RAB3IP: variants seen among roughly 807,000 people sequenced by gnomAD.
RAB3IP encodes the protein RAB3A interacting protein, also known as rab-3A-interacting protein.
RAB3IP carries 36 observed loss-of-function variants against 59.1 expected under a neutral mutation model. The ratio of observed to expected loss-of-function variants is 0.61; its 90% CI spans 0.47 to 0.80. RAB3IP has a LOEUF of 0.80. Ranked by LOEUF, RAB3IP falls within the 30% of genes least tolerant of loss-of-function variation. The probability of loss-of-function intolerance (pLI) is 0.00; values close to 1 mark genes in which losing one functional copy is unlikely to be tolerated. For missense variants in RAB3IP, 511 were observed against 536.0 expected (o/e 0.95, Z 0.46); for synonymous variants, 207 against 191.2 (o/e 1.08, Z -0.68).
chr12:69,755,203 C>T (rs1023236010), intron 1 of RAB3IP, among the ~76,000 whole-genome samples, 181 bp from the exon 2 acceptor site: 7 of 152,026 alleles, frequency 4.6e-5, no homozygotes, highest in Non-Finnish European at 7.4e-5. Context: ...CTCATCTTCC[C>T]GAGTAGCTGG....
At chr12:69,809,043 G>A (rs1204443664) in intron 8 of RAB3IP, among the ~76,000 whole-genome samples, 1 of 150,120 alleles carries the variant, frequency 6.7e-6, no homozygotes, top group Non-Finnish European at 1.5e-5. Context: ...GGTACCGGTT[G>A]TTCCTTTCCA....
chr12:69,756,691 A>T lies in RAB3IP; in HGVS notation c.510+28A>T, dbSNP rs556194330. 2.6e-6 allele frequency: 4 copies of T among 1,562,612 alleles called. No homozygotes were observed. In the South Asian group the frequency reaches 3.5e-5, roughly 14 times the overall value. On this transcript the variant is annotated intron_variant, in intron 3 of 10. Coordinates refer to ENST00000247833, the MANE Select transcript of RAB3IP (RefSeq NM_022456.5). ...AAGAAAGAAGATATTTTATTCTTCC[A>T]TATATTATATTAGAAATTAGTATTT...
intron 3 of RAB3IP, 119 bp downstream of exon 3, chr12:69,756,782 G>A (rs1221947187): frequency 3.6e-6 from 3 of 826,812 alleles, no homozygotes; most frequent in Non-Finnish European, 5.6e-6. Flanking sequence ...CGTCACATAT[G>A]CCCAGCCTCA....
At chr12:69,754,737 T>C (rs1475835499) in intron 1 of RAB3IP, among the ~76,000 whole-genome samples, 2 of 152,240 alleles carry the variant, frequency 1.3e-5, no homozygotes, top group African/African-American at 4.8e-5. Flanking sequence ...TTGTACATGA[T>C]AAATACAATG....
intron 1 of RAB3IP, among the ~76,000 whole-genome samples, chr12:69,743,524 C>T (rs563522967): frequency 1.6e-4 from 25 of 152,204 alleles, no homozygotes; most frequent in African/African-American, 5.3e-4. Flanking sequence ...TTGTGCTTTA[C>T]AATGTATACA....
At position 69,800,205 on chromosome 12, in the gene RAB3IP, T is replaced by C; in HGVS notation, c.889-4T>C. On this transcript the variant is annotated splice_region_variant and splice_polypyrimidine_tract_variant and intron_variant, in intron 6 of 10. Coordinates refer to ENST00000247833, the MANE Select transcript of RAB3IP (RefSeq NM_022456.5). ...TGTTTTTGTGTTTTCCTTTGGTTTG[T>C]TAGGCTGACTTATCCTTGTATAATG... 1 of 1,518,718 alleles carries C rather than the reference T, an allele frequency of 6.6e-7. No individual in the cohort carries two copies. The highest frequency in any genetic ancestry group is 8.8e-7 in the Non-Finnish European group (1 of 1,139,074). 94.1% of individuals were successfully genotyped at this position (1,518,718 alleles called of 1,614,324 possible).
intron 7 of RAB3IP, 152 bp from the exon 8 acceptor site, chr12:69,801,457 C>A (rs1592596617): frequency 2.2e-6 from 1 of 459,388 alleles, no homozygotes; most frequent in Non-Finnish European, 3.9e-6. Context: ...ATAAATCAAA[C>A]CAAAATTATC....
intron 8 of RAB3IP, among the ~76,000 whole-genome samples, chr12:69,802,630 A>G (rs896830623): frequency 6.6e-6 from 1 of 152,244 alleles, no homozygotes; most frequent in African/African-American, 2.4e-5. Flanking sequence ...GGGACTGGAA[A>G]GACTGAGAGA....
In RAB3IP at chr12:69,815,626, T is replaced by G; in HGVS notation, c.*180T>G. On this transcript the variant is annotated 3_prime_UTR_variant, in exon 11 of 11. Transcript: ENST00000247833. ...GATCTATGCTGTGTTTGCTTATTCT[T>G]TAGTTGAACACACTATGAAGAATTC... 1 of 427,532 alleles carries G rather than the reference T, an allele frequency of 2.3e-6. No homozygotes were observed. The highest frequency in any genetic ancestry group is 3.5e-5 in the East Asian group (1 of 28,430). 26.5% of individuals were successfully genotyped at this position (427,532 alleles called of 1,614,324 possible). A position where few individuals can be genotyped will look rare whatever the true frequency, so the allele number is the denominator to read the frequency against.
At chr12:69,792,719 T>G (rs935940761) in intron 4 of RAB3IP, among the ~76,000 whole-genome samples, 1 of 152,218 alleles carries the variant, frequency 6.6e-6, no homozygotes, top group African/African-American at 2.4e-5. Context: ...TCCAATTATA[T>G]GTATGTTATA....
chr12:69,790,227 A>G (rs1265079319), intron 4 of RAB3IP, among the ~76,000 whole-genome samples: 1 of 152,248 alleles, frequency 6.6e-6, no homozygotes, highest in Non-Finnish European at 1.5e-5. Flanking sequence ...GTTGCAGGAT[A>G]CAAAAATTAA....
At chr12:69,780,045 G>C (rs1874409408) in intron 3 of RAB3IP, among the ~76,000 whole-genome samples, 2 of 152,170 alleles carry the variant, frequency 1.3e-5, no homozygotes, top group South Asian at 4.1e-4. Context: ...AGCCATTTCA[G>C]CGGTAGAGGG....
intron 3 of RAB3IP, among the ~76,000 whole-genome samples, chr12:69,762,500 G>A (rs142231142): frequency 3.9e-5 from 6 of 152,284 alleles, no homozygotes; most frequent in African/African-American, 9.6e-5. Context: ...GCTCACGCCT[G>A]TAGTCCCAGC....
At chr12:69,752,846 A>C (rs1190799783) in intron 1 of RAB3IP, among the ~76,000 whole-genome samples, 1 of 152,234 alleles carries the variant, frequency 6.6e-6, no homozygotes, top group Non-Finnish European at 1.5e-5. Flanking sequence ...AACTATATTC[A>C]AGTGAAAATG....
upstream of RAB3IP, chr12:69,738,711 C>G (rs1014756813): frequency 1.3e-5 from 2 of 152,206 alleles, no homozygotes; most frequent in Non-Finnish European, 2.9e-5. Flanking sequence ...GCGACGAGCC[C>G]CGCCTGGCGC....
At chr12:69,743,367 TAA>T (rs1246234891) in intron 1 of RAB3IP, among the ~76,000 whole-genome samples, 1 of 152,222 alleles carries the variant, frequency 6.6e-6, no homozygotes, top group Admixed American at 6.5e-5. Flanking sequence ...ACATGCCTCA[TAA>T]AGACTAGTTT....
At position 69,795,359 on chromosome 12, in the gene RAB3IP, ACTGTCCC is replaced by A. The variant is rs1242962523; in HGVS notation, c.888+18_888+24del. The stretch of plus-strand genomic sequence containing the variant: ...ACTGCAAAGAGGTAACTCATCAAGG[ACTGTCCC>A]CTCTGACTCTGTTGATACTTGTTAG... On this transcript the variant is annotated intron_variant, in intron 6 of 10. Transcript: ENST00000247833. 1 of 1,595,658 alleles carries A rather than the reference ACTGTCCC, an allele frequency of 6.3e-7. No homozygotes were observed. The highest frequency in any genetic ancestry group is 1.7e-5 in the Admixed American group (1 of 59,898).
chr12:69,800,292 C>G lies in RAB3IP; in HGVS notation c.972C>G (p.Ile324Met). Residue 324 changes from isoleucine (I) to methionine (M), a missense_variant, in exon 7 of 11, where the codon ATC becomes ATG. Physicochemically the swap from Ile to Met is conservative, Grantham distance 10. Coordinates refer to ENST00000247833, the MANE Select transcript of RAB3IP (RefSeq NM_022456.5). Reference sequence around the variant, plus strand: ...GGACGTGTCCTTTCTTAGACAAAATCTACCAGGAAGATATCTTTCCATGTT... The same window carrying G: ...GGACGTGTCCTTTCTTAGACAAAATGTACCAGGAAGATATCTTTCCATGTT... ...MDRTCPFLDKIYQEDIFPCLT... is the reference protein window; with the variant it reads ...MDRTCPFLDKMYQEDIFPCLT... The G allele has an allele frequency of 6.3e-7, 1 of 1,595,976 alleles. No homozygotes were observed. Among genetic ancestry groups the G allele is most frequent in the Non-Finnish European group, 8.5e-7 (1 of 1,169,780 alleles).
chr12:69,739,548 A>G (rs1270689559), intron 1 of RAB3IP: 3 of 468,220 alleles, frequency 6.4e-6, no homozygotes, highest in African/African-American at 2.0e-5. Flanking sequence ...TTCGTGTCCC[A>G]GTCTTAGGAA....
Sources: gnomAD v4.1 joint callset for allele counts (sites outside exome capture counted in the v4.1 genomes callset) on GRCh38, gnomAD v4.1.1 for gene constraint, MANE v1.5 for transcripts, NCBI Gene and HGNC (gene_info 2026-07-23, HGNC 2026-07-21) for gene names.